Variants in DCP1B observed in about 807,000 individuals in gnomAD.
The protein encoded by DCP1B is decapping mRNA 1B.
DCP1B carries 47 observed loss-of-function variants against 60.5 expected under a neutral mutation model. That is an observed-to-expected ratio of 0.78 (90% CI 0.61 to 0.99). DCP1B has a LOEUF of 0.99. DCP1B is among the 50% of genes least tolerant of loss of function. The pLI, the probability that DCP1B is intolerant of heterozygous loss-of-function variation, is 0.00. For synonymous variants in DCP1B, 267 were observed against 280.3 expected, an observed-to-expected ratio of 0.95 and a Z score of 0.47; for missense variants, 725 against 756.8, an observed-to-expected ratio of 0.96 and a Z score of 0.49.
intron 3 of DCP1B, among the ~76,000 whole-genome samples, chr12:1,968,527 T>C (rs1021495608): frequency 6.6e-6 from 1 of 152,164 alleles, no homozygotes; most frequent in East Asian, 1.9e-4. Context: ...AGACGGAAAA[T>C]GAAATCACAA....
At chr12:1,950,237 T>G (rs2030613361) in intron 7 of DCP1B, 1 of 653,354 alleles carries the variant, frequency 1.5e-6, no homozygotes, top group East Asian at 2.7e-5. Context: ...GCAGGCTGTT[T>G]CTTTTAACTT....
chr12:1,966,635 A>G (rs1289723459), intron 4 of DCP1B, among the ~76,000 whole-genome samples: 1 of 152,072 alleles, frequency 6.6e-6, no homozygotes, highest in Non-Finnish European at 1.5e-5. Flanking sequence ...CAATTATAAC[A>G]TGGCCTCTTG....
chr12:1,963,569 T>C (rs949235362), intron 5 of DCP1B, among the ~76,000 whole-genome samples: 3 of 152,254 alleles, frequency 2.0e-5, no homozygotes, highest in African/African-American at 7.2e-5. Flanking sequence ...CAGGAACTCA[T>C]AGATTTTTAT....
chr12:1,984,909 C>T (rs1261486369), intron 3 of DCP1B, among the ~76,000 whole-genome samples: 1 of 150,122 alleles, frequency 6.7e-6, no homozygotes, highest in Non-Finnish European at 1.5e-5. Context: ...TCTTTTATTT[C>T]CAAACTTGAA....
chr12:1,990,606 T>C (rs1037257905), intron 3 of DCP1B, among the ~76,000 whole-genome samples: 3 of 152,218 alleles, frequency 2.0e-5, no homozygotes, highest in African/African-American at 2.4e-5. Flanking sequence ...TCTACCTTTG[T>C]CTATTTGAAA....
chr12:1,960,198 C>T (rs1050415169), intron 5 of DCP1B, among the ~76,000 whole-genome samples: 5 of 152,140 alleles, frequency 3.3e-5, no homozygotes, highest in African/African-American at 1.2e-4. Context: ...CAATGGAATA[C>T]TATTCAGCCT....
At chr12:1,950,583 G>GAACACTTTGACTCAGGGGCTCACAAAGAC (rs2030632482) in intron 7 of DCP1B, among the ~76,000 whole-genome samples, 1 of 152,292 alleles carries the variant, frequency 6.6e-6, no homozygotes, top group East Asian at 1.9e-4. Context: ...TAATAAATGA[G>GAACACTTTGACTCAGGGGCTCACAAAGAC]AACACTTTGA....
Position 1,951,211 on chromosome 12 carries a change from G to A in DCP1B, c.1524+1205C>T, listed in dbSNP as rs372733106. On this transcript the variant is annotated intron_variant, in intron 7 of 8. Transcript: ENST00000280665. ...AATCGCCTGAACCCGGGAGGTGGAG[G>A]TTGCAGTGAGCCGAGATCGCACCAT... Among the ~76,000 whole-genome samples, 88 of 152,250 alleles carry A rather than the reference G, an allele frequency of 5.8e-4. 2 individuals carry two copies. The South Asian group carries it at 0.017, about 30-fold the overall frequency.
chr12:1,946,072 C>T lies in DCP1B; in HGVS notation c.*134G>A. 1 of 633,366 alleles carries T rather than the reference C, an allele frequency of 1.6e-6. No individual in the cohort carries two copies. Among genetic ancestry groups the T allele is most frequent in the Non-Finnish European group, 2.5e-6 (1 of 393,744 alleles). 39.2% of individuals were successfully genotyped at this position (633,366 alleles called of 1,614,324 possible). On this transcript the variant is annotated 3_prime_UTR_variant, in exon 9 of 9. Transcript: ENST00000280665. ...CTTGAGTATAAAAAAAAGTCTGAAA[C>T]ATTTTACTTCATATTACACATACTT... is the stretch of plus-strand genomic sequence containing the variant.
intron 2 of DCP1B, 37 bp from the exon 3 acceptor site, chr12:1,993,428 C>T: frequency 6.3e-7 from 1 of 1,598,340 alleles, no homozygotes; most frequent in South Asian, 1.1e-5. Context: ...AATCAATAGA[C>T]AAATTGCTTA....
chr12:1,949,456 G>A (rs2030575619), intron 7 of DCP1B, 122 bp from the exon 8 acceptor site: 1 of 1,384,558 alleles, frequency 7.2e-7, no homozygotes, highest in Non-Finnish European at 9.8e-7. Flanking sequence ...GCTGAGAAAA[G>A]TTTATGGGAA....
At chr12:1,984,863 A>T (rs2037235822) in intron 3 of DCP1B, among the ~76,000 whole-genome samples, 1 of 147,212 alleles carries the variant, frequency 6.8e-6, no homozygotes, top group Non-Finnish European at 1.5e-5. Context: ...TTCCTGAATG[A>T]TATTTTTGCT....
rs1409351872 is a variant in DCP1B at position 1,962,178 on chromosome 12, G to T, written c.522+3380C>A. Among the ~76,000 whole-genome samples the T allele has an allele frequency of 6.6e-6, 1 of 152,162 alleles. No individual in the cohort carries two copies. The highest frequency in any genetic ancestry group is 1.9e-4 in the East Asian group (1 of 5,188). Reference sequence around the variant, plus strand: ...CCAGCAGGCTCTAAACTGTATGAGTGGTCCCCAGTTGCTGGGTACCTGGCC... The same window carrying T: ...CCAGCAGGCTCTAAACTGTATGAGTTGTCCCCAGTTGCTGGGTACCTGGCC... On this transcript the variant is annotated intron_variant, in intron 5 of 8. Transcript: ENST00000280665. This position sits in a 1 kb window ranked among gnomAD's most constrained non-coding sequence, Gnocchi z 4.4.
At chr12:1,964,435 T>C (rs2031227601) in intron 5 of DCP1B, among the ~76,000 whole-genome samples, 1 of 152,188 alleles carries the variant, frequency 6.6e-6, no homozygotes, top group South Asian at 2.1e-4. Context: ...GTAAAATGTT[T>C]TTTATTTTTA....
intron 4 of DCP1B, among the ~76,000 whole-genome samples, chr12:1,967,026 G>C (rs953948880): frequency 6.6e-6 from 1 of 152,176 alleles, no homozygotes; most frequent in Non-Finnish European, 1.5e-5. Context: ...GACACAGCAC[G>C]TGCAGGAAAC....
At chr12:1,991,966 T>A (rs145221488) in intron 3 of DCP1B, 381 of 198,244 alleles carry the variant, frequency 1.9e-3, no homozygotes, top group Non-Finnish European at 3.4e-3. Context: ...TAATTTGACA[T>A]AAAATCTAAT....
At chr12:1,972,742 G>C (rs765865430) in intron 3 of DCP1B, among the ~76,000 whole-genome samples, 2 of 151,484 alleles carry the variant, frequency 1.3e-5, no homozygotes, top group Non-Finnish European at 2.9e-5. Context: ...TAAAAGACTG[G>C]AATTAGTCTT....
rs184400823 is a variant in DCP1B at position 1,956,691 on chromosome 12, G to A, written c.523-1131C>T. Among the ~76,000 whole-genome samples the A allele has an allele frequency of 6.6e-3, 1,011 of 152,252 alleles. 4 individuals carry two copies. Among genetic ancestry groups the A allele is most frequent in the Non-Finnish European group, 9.0e-3 (610 of 68,026 alleles). On this transcript the variant is annotated intron_variant, in intron 5 of 8. Transcript: ENST00000280665. ...CTTCTTAGGTGAATGAGGGTATGGC[G>A]GCATGGACCAACTGGCATGGCTTTC... is the stretch of plus-strand genomic sequence containing the variant.
intron 4 of DCP1B, 114 bp from the exon 5 acceptor site, chr12:1,965,807 A>C (rs2031275934): frequency 7.8e-7 from 1 of 1,277,436 alleles, no homozygotes; most frequent in Non-Finnish European, 1.0e-6. Context: ...CCATATTAGA[A>C]ATAAGCTTGC....
Sources: allele counts gnomAD v4.1 joint callset (sites outside exome capture counted in the v4.1 genomes callset), GRCh38; gene constraint gnomAD v4.1.1; non-coding constraint Gnocchi (gnomAD v3.1); transcripts MANE v1.5; gene names NCBI Gene and HGNC (gene_info 2026-07-23, HGNC 2026-07-21).